Variants in RP1 observed in about 807,000 individuals in gnomAD.
RP1 encodes the protein oxygen-regulated protein 1.
A neutral mutation model predicts 14.8 loss-of-function variants in RP1; 16 were observed. That is an observed-to-expected ratio of 1.08 (90% CI 0.73 to 1.65). The LOEUF (loss-of-function observed/expected upper bound fraction) is 1.65. Ranked by LOEUF, RP1 falls within the 40% of genes most tolerant of loss-of-function variation. RP1 has a pLI of 0.00. For synonymous variants in RP1, 876 were observed against 883.6 expected (o/e 0.99, Z 0.15); for missense variants, 2,631 against 2,535.0 (o/e 1.04, Z -0.81).
intron 18 of RP1, among the ~76,000 whole-genome samples, chr8:54,736,624 T>C (rs1808930304): frequency 6.6e-6 from 1 of 152,196 alleles, no homozygotes; most frequent in Non-Finnish European, 1.5e-5. Flanking sequence ...TGTTTTCTAC[T>C]GGCCTCTGTC....
intron 17 of RP1, among the ~76,000 whole-genome samples, chr8:54,729,501 G>A (rs2129353956): frequency 6.6e-6 from 1 of 152,160 alleles, no homozygotes; most frequent in East Asian, 1.9e-4. Flanking sequence ...AAAAATCTTG[G>A]GTAGTCATGT....
downstream of RP1, among the ~76,000 whole-genome samples, chr8:54,771,837 T>A (rs1809916369): frequency 6.6e-6 from 1 of 152,114 alleles, no homozygotes; most frequent in Admixed American, 6.5e-5. Flanking sequence ...CAGTCTAATC[T>A]ATTGAGGCAG....
At chr8:54,694,597 T>C (rs1807808929) in intron 12 of RP1, among the ~76,000 whole-genome samples, 1 of 152,210 alleles carries the variant, frequency 6.6e-6, no homozygotes, top group African/African-American at 2.4e-5. Flanking sequence ...ATTTTCTAGT[T>C]TATTTGCGTA....
intron 1 of RP1, among the ~76,000 whole-genome samples, chr8:54,576,550 A>G (rs759600049): frequency 6.6e-6 from 1 of 152,236 alleles, no homozygotes; most frequent in Non-Finnish European, 1.5e-5. Context: ...ATCACCAGTC[A>G]TGTAACGTGG....
intron 24 of RP1, among the ~76,000 whole-genome samples, chr8:54,818,083 T>C (rs1198458866): frequency 6.6e-6 from 1 of 152,220 alleles, no homozygotes; most frequent in Non-Finnish European, 1.5e-5. Context: ...CAACGCTTTT[T>C]AAATTTGCAA....
At chr8:54,750,106 A>G (rs1382366813) in intron 19 of RP1, among the ~76,000 whole-genome samples, 1 of 152,158 alleles carries the variant, frequency 6.6e-6, no homozygotes, top group Non-Finnish European at 1.5e-5. Flanking sequence ...TAGAAAACTG[A>G]ACGTTTGGCT....
intron 24 of RP1, among the ~76,000 whole-genome samples, chr8:54,835,736 A>C (rs1275765430): frequency 6.6e-6 from 1 of 152,198 alleles, no homozygotes; most frequent in Non-Finnish European, 1.5e-5. Flanking sequence ...GCCAGGGTAC[A>C]AGCAACTAAC....
At chr8:54,847,041 T>A (rs1294320780) in intron 25 of RP1, among the ~76,000 whole-genome samples, 2 of 152,162 alleles carry the variant, frequency 1.3e-5, no homozygotes, top group African/African-American at 4.8e-5. Context: ...GGCTGCTTGG[T>A]CAACAGGATG....
chr8:54,620,219 A>C (rs1206883915), intron 1 of RP1, among the ~76,000 whole-genome samples: 1 of 152,236 alleles, frequency 6.6e-6, no homozygotes, highest in African/African-American at 2.4e-5. Flanking sequence ...GTGCCACATA[A>C]CACTACTTTG....
At chr8:54,658,318 G>C (rs1397507901) in intron 6 of RP1, among the ~76,000 whole-genome samples, 2 of 149,710 alleles carry the variant, frequency 1.3e-5, no homozygotes, top group African/African-American at 5.1e-5. Context: ...TTGGGAGGCC[G>C]AGGCGGGCGG....
At chr8:54,843,234 G>A (rs6997733) in intron 25 of RP1, among the ~76,000 whole-genome samples, 6,108 of 152,122 alleles carry the variant, frequency 0.04, 160 homozygotes, top group African/African-American at 0.068. Context: ...ATGTATGTAT[G>A]TATGTATTTA....
At chr8:54,758,078 C>A (rs914216175) in intron 21 of RP1, among the ~76,000 whole-genome samples, 1 of 152,140 alleles carries the variant, frequency 6.6e-6, no homozygotes, top group South Asian at 2.1e-4. Flanking sequence ...CAGCTCTCCA[C>A]ATAGGCAATA....
chr8:54,559,241 C>T (rs143355175), exon 1 of RP1: 79 of 152,330 alleles, frequency 5.2e-4, no homozygotes, highest in Middle Eastern at 3.4e-3. Flanking sequence ...TTCACTCCGA[C>T]TCTTCCACGC....
In RP1 at chr8:54,855,345, C is replaced by A. The variant is rs113023206; in HGVS notation, c.3991-1683C>A. Among the ~76,000 whole-genome samples, 1,229 of 152,268 alleles carry A rather than the reference C, an allele frequency of 8.1e-3. 18 individuals are homozygous for A. Among genetic ancestry groups the A allele is most frequent in the African/African-American group, 0.028 (1,158 of 41,548 alleles). ...GGCTGAATAATATTTCAAAACATTTCATGTTTTGTTTATCCATTTACCCCG... is the reference window on the plus strand; with the variant it reads ...GGCTGAATAATATTTCAAAACATTTAATGTTTTGTTTATCCATTTACCCCG... On this transcript the variant is annotated intron_variant, in intron 26 of 28. Coordinates refer to the RP1 transcript ENST00000637698.
intron 1 of RP1, among the ~76,000 whole-genome samples, chr8:54,608,031 G>A: frequency 6.6e-6 from 1 of 151,966 alleles, no homozygotes; most frequent in East Asian, 1.9e-4. Context: ...GCTCATGCTT[G>A]ATGTGCTCCA....
intron 24 of RP1, among the ~76,000 whole-genome samples, chr8:54,802,662 A>T (rs1236403058): frequency 6.6e-6 from 1 of 152,226 alleles, no homozygotes; most frequent in Non-Finnish European, 1.5e-5. Flanking sequence ...TCTATGATAC[A>T]CACAATAGGT....
chr8:54,857,779 T>C (rs935516850), intron 27 of RP1, among the ~76,000 whole-genome samples: 9 of 152,044 alleles, frequency 5.9e-5, no homozygotes, highest in Non-Finnish European at 1.2e-4. Flanking sequence ...TTGAACACCA[T>C]CCCTGATCCG....
chr8:54,610,216 C>T (rs1445803111), intron 1 of RP1, among the ~76,000 whole-genome samples: 1 of 152,160 alleles, frequency 6.6e-6, no homozygotes, highest in Non-Finnish European at 1.5e-5. Flanking sequence ...CTCATCACTA[C>T]CTCCTTTTGA....
chr8:54,706,724 C>G, intron 15 of RP1: 1 of 1,462,584 alleles, frequency 6.8e-7, no homozygotes, highest in Non-Finnish European at 9.2e-7. Context: ...ATGAGAATAG[C>G]ACTTTCTGAG....
Sources: allele counts gnomAD v4.1 joint callset (sites outside exome capture counted in the v4.1 genomes callset), GRCh38; gene constraint gnomAD v4.1.1; transcripts MANE v1.5; gene names NCBI Gene and HGNC (gene_info 2026-07-23, HGNC 2026-07-21).